DIDO1: variants seen among roughly 807,000 people sequenced by gnomAD.
DIDO1 encodes the protein death inducer-obliterator 1, also known as death-inducer obliterator 1.
A neutral mutation model predicts 99.4 loss-of-function variants in DIDO1; 16 were observed. The ratio of observed to expected loss-of-function variants is 0.16; its 90% CI spans 0.11 to 0.24. DIDO1 has a LOEUF of 0.24. Among genes scored for constraint, DIDO1 ranks in the 10% least tolerant of loss-of-function variants. The pLI is 1.00. For missense variants in DIDO1, 2,996 were observed against 3,014.0 expected (o/e 0.99, Z 0.14); for synonymous variants, 1,366 against 1,239.1 (o/e 1.10, Z -2.15).
intron 1 of DIDO1, among the ~76,000 whole-genome samples, chr20:62,922,098 C>T (rs539701588): frequency 6.4e-5 from 5 of 78,460 alleles, no homozygotes; most frequent in African/African-American, 2.4e-4. Context: ...TATATATACA[C>T]ACTATATATA....
chr20:62,897,899 G>T lies in DIDO1; in HGVS notation c.1589-903C>A, dbSNP rs377220292. Among the ~76,000 whole-genome samples, 13 of 152,324 alleles carry T rather than the reference G, an allele frequency of 8.5e-5. No individual in the cohort carries two copies. In the East Asian group the frequency reaches 2.3e-3, roughly 27 times the overall value. On this transcript the variant is annotated intron_variant, in intron 6 of 15. Coordinates refer to ENST00000395343, the MANE Select transcript of DIDO1 (RefSeq NM_001193369.2). Reference sequence around the variant, plus strand: ...AGGGATCCAGCTAGTGGAGCAGAGTGAAACGCCTGGGGAATAGGGGGCCCC... The same window carrying T: ...AGGGATCCAGCTAGTGGAGCAGAGTTAAACGCCTGGGGAATAGGGGGCCCC...
At chr20:62,889,354 C>T (rs2064353141) in intron 15 of DIDO1, 1 of 962,728 alleles carries the variant, frequency 1.0e-6, no homozygotes, top group Non-Finnish European at 1.2e-6. Flanking sequence ...CGCCGGGGCT[C>T]GCTCAACACC....
At position 62,895,173 on chromosome 20, in the gene DIDO1, C is replaced by A. The variant is rs1248107716; in HGVS notation, c.2215-8G>T. The stretch of plus-strand genomic sequence containing the variant: ...AACACGATGGAAGAGTCCCTATAAA[C>A]AAGTATTTTTCATTTACTCAAATAA... On this transcript the variant is annotated splice_region_variant and splice_polypyrimidine_tract_variant and intron_variant, in intron 8 of 15. Transcript: ENST00000395343. The A allele has an allele frequency of 6.3e-7, 1 of 1,595,276 alleles. No individual in the cohort carries two copies. The highest frequency in any genetic ancestry group is 1.3e-5 in the African/African-American group (1 of 74,568).
intron 1 of DIDO1, among the ~76,000 whole-genome samples, chr20:62,914,838 T>C (rs1006628460): frequency 6.6e-6 from 1 of 152,262 alleles, no homozygotes; most frequent in African/African-American, 2.4e-5. Flanking sequence ...TATAAGAATG[T>C]AATAATTGAA....
intron 6 of DIDO1, among the ~76,000 whole-genome samples, chr20:62,898,943 G>A (rs933207699): frequency 6.6e-6 from 1 of 152,148 alleles, no homozygotes; most frequent in African/African-American, 2.4e-5. Flanking sequence ...TTAGCTCACA[G>A]GTCTGCAGCA....
rs1286262634 is a variant in DIDO1, at chr20:62,892,793, T to G, written c.3255+16A>C. ...TGAAAGACACACACACGCACACACA[T>G]TTTCTTGGTTCTAACCTCACTGAGG... On this transcript the variant is annotated intron_variant, in intron 13 of 15. Transcript: ENST00000395343. 4 of 1,602,394 alleles carry G rather than the reference T, an allele frequency of 2.5e-6. No individual in the cohort carries two copies. Among genetic ancestry groups the G allele is most frequent in the Non-Finnish European group, 3.4e-6 (4 of 1,171,474 alleles).
chr20:62,911,395 C>T lies in DIDO1; in HGVS notation c.218G>A (p.Arg73His), dbSNP rs1229797574. The T allele has an allele frequency of 8.1e-6, 13 of 1,611,940 alleles. No individual in the cohort carries two copies. Among genetic ancestry groups the T allele is most frequent in the African/African-American group, 2.7e-5 (2 of 74,924 alleles). Residue 73 changes from arginine (R) to histidine (H), a missense_variant, in exon 3 of 16, where the codon CGC becomes CAC. By Grantham distance (29) the Arg-to-His change is conservative. Around this residue, in one of 5 missense-constraint regions of DIDO1, gnomAD observed 388 missense variants for 376.6 expected, o/e 1.03. Transcript: ENST00000395343. This position sits in a 1 kb window ranked among gnomAD's most constrained non-coding sequence, Gnocchi z 7.0. ...RSGRQPKRTE[R>H]VEQFLTIARR... Reference sequence around the variant, plus strand: ...CGCAATGGTCAGGAACTGCTCCACGCGCTCAGTGCGCTTGGGCTGCCTCCC... The same window carrying T: ...CGCAATGGTCAGGAACTGCTCCACGTGCTCAGTGCGCTTGGGCTGCCTCCC...
intron 6 of DIDO1, chr20:62,905,166 CGAG>C (rs979253676): frequency 9.5e-6 from 10 of 1,050,556 alleles, no homozygotes; most frequent in African/African-American, 3.3e-5. Flanking sequence ...ATTCAAGAGA[CGAG>C]GGCAAGAAAG....
chr20:62,894,532 G>C lies in DIDO1; in HGVS notation c.2453C>G (p.Ala818Gly). Residue 818 changes from alanine to glycine, a missense_variant, in exon 11 of 16, where the codon GCA (alanine) becomes GGA (glycine). Ala to Gly is a moderately conservative substitution (Grantham distance 60). Around this residue, in one of 5 missense-constraint regions of DIDO1, gnomAD observed 898 missense variants for 972.7 expected, o/e 0.92. Coordinates refer to ENST00000395343, the MANE Select transcript of DIDO1 (RefSeq NM_001193369.2). The surrounding 1 kb of genome is among the most constrained non-coding windows in gnomAD (Gnocchi z 4.4). ...VSDSEEQQES[A>G]RAVPEKSTAP... The stretch of plus-strand genomic sequence containing the variant: ...TGTGCTCTTCTCAGGGACAGCACGT[G>C]CTGACTCTTGCTGTTCCTAAAAAAG... 6.2e-7 allele frequency: 1 copy of C among 1,609,342 alleles called. No individual in the cohort carries two copies. The highest frequency in any genetic ancestry group is 1.1e-5 in the South Asian group (1 of 90,682).
chr20:62,933,289 CTAATTGTTT>C (rs1362868557), intron 1 of DIDO1, among the ~76,000 whole-genome samples: 1 of 152,210 alleles, frequency 6.6e-6, no homozygotes, highest in Non-Finnish European at 1.5e-5. Flanking sequence ...TCCAACATCT[CTAATTGTTT>C]AAAATACTGT....
Position 62,926,505 on chromosome 20 carries a change from T to C in DIDO1, c.-266A>G, listed in dbSNP as rs2065259387. 6.6e-6 allele frequency: 1 copy of C among 151,060 alleles called. No homozygotes were observed. The highest frequency in any genetic ancestry group is 2.1e-4 in the South Asian group (1 of 4,790). 9.4% of individuals were successfully genotyped at this position (151,060 alleles called of 1,614,324 possible). A position where few individuals can be genotyped will look rare whatever the true frequency, so the allele number is the denominator to read the frequency against. On this transcript the variant is annotated 5_prime_UTR_variant, in exon 1 of 16. Coordinates refer to ENST00000395343, the MANE Select transcript of DIDO1 (RefSeq NM_001193369.2). ...CGGAGTGGGCGGACGGCCACCGAGA[T>C]GGCGCGGGGCTAGAGCGGCGCCCCC...
At chr20:62,890,711 T>C (rs1361915166) in intron 15 of DIDO1, 7 of 1,352,990 alleles carry the variant, frequency 5.2e-6, no homozygotes, top group Non-Finnish European at 6.7e-6. Flanking sequence ...GATGAGCTGG[T>C]TGCAGGCTGT....
chr20:62,917,953 G>A (rs995941191), intron 1 of DIDO1, among the ~76,000 whole-genome samples: 13 of 152,296 alleles, frequency 8.5e-5, no homozygotes, highest in Admixed American at 6.5e-4. Flanking sequence ...GAAACACAAA[G>A]AACTGTGGCA....
chr20:62,890,828 C>A, intron 15 of DIDO1, 132 bp downstream of exon 15: 1 of 1,555,690 alleles, frequency 6.4e-7, no homozygotes, highest in South Asian at 1.2e-5. Flanking sequence ...CTATTGCTAA[C>A]CGCTGCGTCT....
chr20:62,907,585 T>C (rs1024057320), intron 4 of DIDO1, among the ~76,000 whole-genome samples: 9 of 152,222 alleles, frequency 5.9e-5, no homozygotes, highest in Admixed American at 2.0e-4. Context: ...GGCAGGAGTG[T>C]GAGGAGACCC....
In DIDO1 at chr20:62,894,779, T is replaced by C. The variant is rs747643860; in HGVS notation, c.2436+31A>G. 1.3e-6 allele frequency: 2 copies of C among 1,593,910 alleles called. No individual in the cohort carries two copies. The highest frequency in any genetic ancestry group is 1.7e-6 in the Non-Finnish European group (2 of 1,169,264). ...ACATTTGGGATGGATTAGTCTATTC[T>C]CGGTGAACACAAAATCTCCCAAATG... On this transcript the variant is annotated intron_variant, in intron 10 of 15. Transcript: ENST00000395343. The surrounding 1 kb of genome is among the most constrained non-coding windows in gnomAD (Gnocchi z 4.4).
At chr20:62,882,976 G>A (rs1046786138) in intron 15 of DIDO1, among the ~76,000 whole-genome samples, 19 of 138,952 alleles carry the variant, frequency 1.4e-4, no homozygotes, top group South Asian at 2.4e-4. Flanking sequence ...AGGCTGGAGC[G>A]CAGTGGCGCG....
rs117336395 is a variant in DIDO1, at chr20:62,897,391, A to G, written c.1589-395T>C. Among the ~76,000 whole-genome samples the G allele has an allele frequency of 9.9e-3, 1,503 of 152,362 alleles. 14 individuals carry two copies. Among genetic ancestry groups the G allele is most frequent in the South Asian group, 0.024 (115 of 4,826 alleles). On this transcript the variant is annotated intron_variant, in intron 6 of 15. Coordinates refer to ENST00000395343, the MANE Select transcript of DIDO1 (RefSeq NM_001193369.2). ...ATGAATTCAAGTGCAAACTGTTTGTAAACTTCAGTGAAAAAGACCGTTTAG... is the reference window on the plus strand; with the variant it reads ...ATGAATTCAAGTGCAAACTGTTTGTGAACTTCAGTGAAAAAGACCGTTTAG...
rs2064428265 is a variant in DIDO1, at chr20:62,892,817, G to A, written c.3247C>T (p.Leu1083Phe). 2.5e-6 allele frequency: 4 copies of A among 1,613,266 alleles called. No individual in the cohort carries two copies. Among genetic ancestry groups the A allele is most frequent in the Non-Finnish European group, 3.4e-6 (4 of 1,179,470 alleles). ...AYPVSGCFDY[L>F]SEDLPDTIHI... is the part of the protein sequence containing the mutation. Reference sequence around the variant, plus strand: ...ATTTTCTTGGTTCTAACCTCACTGAGGTAATCAAAACACCCAGAGACAGGA... The same window carrying A: ...ATTTTCTTGGTTCTAACCTCACTGAAGTAATCAAAACACCCAGAGACAGGA... The change falls in exon 13 of 16, where the codon CTC (leucine) becomes TTC (phenylalanine). Residue 1083 changes from leucine to phenylalanine, a missense_variant. This residue lies in a region of DIDO1 where 135 missense variants were observed against 202.3 expected (regional missense o/e 0.67). Coordinates refer to ENST00000395343, the MANE Select transcript of DIDO1 (RefSeq NM_001193369.2).
Sources: allele counts gnomAD v4.1 joint callset (sites outside exome capture counted in the v4.1 genomes callset), GRCh38; gene constraint gnomAD v4.1.1; regional missense constraint gnomAD v4.1.1; non-coding constraint Gnocchi (gnomAD v3.1); transcripts MANE v1.5; gene names NCBI Gene and HGNC (gene_info 2026-07-23, HGNC 2026-07-21).